The following FBXL13 variants were observed in gnomAD, a reference collection of about 807,000 sequenced individuals.
FBXL13 encodes the protein F-box and leucine rich repeat protein 13.
In FBXL13, 67 loss-of-function variants were observed where a neutral mutation model predicts 83.6. The ratio of observed to expected loss-of-function variants is 0.80; its 90% CI spans 0.66 to 0.98. The LOEUF is 0.98. Among genes scored for constraint, FBXL13 ranks in the 50% least tolerant of loss-of-function variants. FBXL13 has a pLI of 0.00. For missense variants in FBXL13, 822 were observed against 866.5 expected, an observed-to-expected ratio of 0.95 and a Z score of 0.64; for synonymous variants, 272 against 299.5, an observed-to-expected ratio of 0.91 and a Z score of 0.95.
chr7:102,892,337 G>A (rs1170308188), intron 11 of FBXL13, among the ~76,000 whole-genome samples: 1 of 152,110 alleles, frequency 6.6e-6, no homozygotes, highest in Non-Finnish European at 1.5e-5. Flanking sequence ...AACAATAGGT[G>A]TTTGTTACTT....
rs865854536 is a variant in FBXL13, at chr7:102,918,205, T to G, written c.879-4990A>C. Among the ~76,000 whole-genome samples, 15 of 152,344 alleles carry G rather than the reference T, an allele frequency of 9.8e-5. 1 individual carries two copies. Among genetic ancestry groups the G allele is most frequent in the Admixed American group, 2.6e-4 (4 of 15,308 alleles). ...ATAGAGCAAAAACAGAGAATCATTA[T>G]GAAATGTATTTTTATCATAGATAAC... On this transcript the variant is annotated intron_variant, in intron 10 of 19. Transcript: ENST00000313221.
chr7:102,918,429 T>G, intron 10 of FBXL13, among the ~76,000 whole-genome samples: 1 of 152,214 alleles, frequency 6.6e-6, no homozygotes, highest in East Asian at 1.9e-4. Flanking sequence ...GCTGTCATAT[T>G]ACCTTCAATT....
chr7:103,034,559 G>T (rs1397746361), intron 2 of FBXL13, among the ~76,000 whole-genome samples: 1 of 152,206 alleles, frequency 6.6e-6, no homozygotes, highest in Non-Finnish European at 1.5e-5. Context: ...ACAGTGGGCA[G>T]CCCCAGTTCC....
intron 6 of FBXL13, among the ~76,000 whole-genome samples, chr7:103,024,520 C>T (rs1793622943): frequency 1.2e-5 from 1 of 83,286 alleles, no homozygotes; most frequent in African/African-American, 4.9e-5. Flanking sequence ...AAGAGCGAAA[C>T]TCCATCTCAA....
chr7:102,917,606 T>C (rs1344937820), intron 10 of FBXL13, among the ~76,000 whole-genome samples: 2 of 152,166 alleles, frequency 1.3e-5, no homozygotes, highest in Non-Finnish European at 2.9e-5. Context: ...AGCAATCAGA[T>C]GACTGGAGTT....
intron 8 of FBXL13, among the ~76,000 whole-genome samples, chr7:102,950,801 G>A (rs1311868266): frequency 6.6e-6 from 1 of 152,122 alleles, no homozygotes; most frequent in African/African-American, 2.4e-5. Context: ...TTCCAGAAAA[G>A]GCAAAACTAT....
chr7:102,951,752 C>G (rs1349554095), intron 8 of FBXL13, among the ~76,000 whole-genome samples: 1 of 140,756 alleles, frequency 7.1e-6, no homozygotes, highest in East Asian at 2.1e-4. Context: ...CTGCAGTGAG[C>G]TGTGATCATG....
chr7:102,930,805 T>A (rs752040266), intron 9 of FBXL13, among the ~76,000 whole-genome samples: 1 of 152,226 alleles, frequency 6.6e-6, no homozygotes, highest in Non-Finnish European at 1.5e-5. Context: ...TTATGACTTA[T>A]ACATAGATGT....
intron 17 of FBXL13, among the ~76,000 whole-genome samples, chr7:102,837,184 C>G (rs932363994): frequency 1.6e-4 from 24 of 152,326 alleles, no homozygotes; most frequent in Middle Eastern, 3.4e-3. Context: ...CACTGGGCAT[C>G]AGAGCAAGTG....
At chr7:102,972,351 A>G (rs572985498) in intron 6 of FBXL13, among the ~76,000 whole-genome samples, 29 of 152,290 alleles carry the variant, frequency 1.9e-4, no homozygotes, top group African/African-American at 6.7e-4. Flanking sequence ...ATAAATATTA[A>G]TTTACTTTAG....
chr7:102,824,503 C>CT lies in FBXL13; in HGVS notation c.1855-2301dup, dbSNP rs1349647760. On this transcript the variant is annotated intron_variant, in intron 18 of 19. Coordinates refer to ENST00000313221, the Ensembl canonical transcript of FBXL13. The stretch of plus-strand genomic sequence containing the variant: ...TATTTTGCATCCTCTTTTTTTCTTT[C>CT]TTTTTTTTATTTTGCTCTGTTGCAC... Among the ~76,000 whole-genome samples the CT allele has an allele frequency of 7.9e-5, 12 of 151,596 alleles. No homozygotes were observed. In the East Asian group the frequency reaches 1.4e-3, roughly 17 times the overall value.
At chr7:102,834,950 T>C (rs1396755184) in intron 17 of FBXL13, among the ~76,000 whole-genome samples, 1 of 151,882 alleles carries the variant, frequency 6.6e-6, no homozygotes, top group African/African-American at 2.4e-5. Context: ...CATAAATATA[T>C]ACAATTTTTA....
At chr7:102,932,924 T>C (rs1819501459) in intron 8 of FBXL13, 1 of 152,218 alleles carries the variant, frequency 6.6e-6, no homozygotes, top group African/African-American at 2.4e-5. Flanking sequence ...AATTCATCAG[T>C]TCAACAAATA....
At chr7:102,989,801 G>A (rs1316964218) in intron 6 of FBXL13, among the ~76,000 whole-genome samples, 14 of 152,148 alleles carry the variant, frequency 9.2e-5, no homozygotes, top group Admixed American at 9.2e-4. Flanking sequence ...ACGGAAGAGG[G>A]TGCCCTCTAA....
chr7:102,955,574 TC>T (rs994398683), intron 8 of FBXL13, among the ~76,000 whole-genome samples: 20 of 137,938 alleles, frequency 1.4e-4, no homozygotes, highest in South Asian at 4.7e-4. Flanking sequence ...AAAAAACCAT[TC>T]AAAAAAAAAC....
intron 6 of FBXL13, among the ~76,000 whole-genome samples, chr7:103,007,390 G>T (rs1272884429): frequency 6.6e-6 from 1 of 151,820 alleles, no homozygotes; most frequent in East Asian, 1.9e-4. Context: ...AAAAAATTTA[G>T]CCCCTAACTG....
intron 17 of FBXL13, among the ~76,000 whole-genome samples, chr7:102,834,102 G>GAA (rs369525063): frequency 1.1e-4 from 11 of 102,034 alleles, no homozygotes; most frequent in African/African-American, 4.6e-4. Flanking sequence ...AAGAAAGAAA[G>GAA]AAAGAAAGAA....
chr7:103,065,171 G>GA (rs35067621), intron 1 of FBXL13, among the ~76,000 whole-genome samples: 19 of 148,480 alleles, frequency 1.3e-4, no homozygotes, highest in South Asian at 2.1e-4. Context: ...CATACATTCT[G>GA]AAAAAAAAAG....
intron 2 of FBXL13, among the ~76,000 whole-genome samples, chr7:103,049,616 C>T (rs547256406): frequency 2.0e-5 from 3 of 152,292 alleles, no homozygotes; most frequent in African/African-American, 7.2e-5. Context: ...GTGGAGTCCT[C>T]GCAAGAACAG....
Sources: allele counts gnomAD v4.1 joint callset (sites outside exome capture counted in the v4.1 genomes callset), GRCh38; gene constraint gnomAD v4.1.1; transcripts MANE v1.5; gene names NCBI Gene and HGNC (gene_info 2026-07-23, HGNC 2026-07-21).